The following KIF13A variants were observed in gnomAD, a reference collection of about 807,000 sequenced individuals.
KIF13A encodes kinesin-like protein KIF13A.
In KIF13A, 79 loss-of-function variants were observed where a neutral mutation model predicts 212.2. The ratio of observed to expected loss-of-function variants is 0.37; its 90% CI spans 0.31 to 0.45. The LOEUF (loss-of-function observed/expected upper bound fraction) is 0.45. KIF13A is among the 20% of genes least tolerant of loss of function. The pLI, the probability that KIF13A is intolerant of heterozygous loss-of-function variation, is 1.00. For synonymous variants in KIF13A, 789 were observed against 808.6 expected, an observed-to-expected ratio of 0.98 and a Z score of 0.41; for missense variants, 1,901 against 2,209.0, an observed-to-expected ratio of 0.86 and a Z score of 2.79.
At position 17,843,583 on chromosome 6, in the gene KIF13A, A is replaced by G. The variant is rs1766728298; in HGVS notation, c.830+5794T>C. Among the ~76,000 whole-genome samples the G allele has an allele frequency of 6.6e-6, 1 of 152,210 alleles. No individual in the cohort carries two copies. Among genetic ancestry groups the G allele is most frequent in the Non-Finnish European group, 1.5e-5 (1 of 68,036 alleles). ...TGTTTGGAATGATAGAGCTATCCTG[A>G]GATCATGAAGATGACATGAACACAC... On this transcript the variant is annotated intron_variant, in intron 9 of 38. Transcript: ENST00000259711. This position sits in a 1 kb window ranked among gnomAD's most constrained non-coding sequence, Gnocchi z 5.3.
intron 38 of KIF13A, among the ~76,000 whole-genome samples, chr6:17,767,472 C>T (rs1759110471): frequency 6.6e-6 from 1 of 152,086 alleles, no homozygotes; most frequent in African/African-American, 2.4e-5. Context: ...CCAGGCTGGT[C>T]TCGAACTCCT....
At position 17,794,797 on chromosome 6, in the gene KIF13A, G is replaced by A. The variant is rs1464761533; in HGVS notation, c.2943-93C>T. 1.5e-6 allele frequency: 2 copies of A among 1,320,806 alleles called. No individual in the cohort carries two copies. The highest frequency in any genetic ancestry group is 4.6e-5 in the East Asian group (2 of 43,100). 81.8% of individuals were successfully genotyped at this position (1,320,806 alleles called of 1,614,324 possible). On this transcript the variant is annotated intron_variant, in intron 23 of 38. Coordinates refer to ENST00000259711, the MANE Select transcript of KIF13A (RefSeq NM_022113.6). The surrounding 1 kb of genome is among the most constrained non-coding windows in gnomAD (Gnocchi z 4.1). ...CCACCATTCACTGAGCACTTACTAT[G>A]TGCTAGGCACTGTGCCATTTATCTT...
In KIF13A at chr6:17,965,631, G is replaced by A. The variant is rs368897860; in HGVS notation, c.146+21423C>T. Among the ~76,000 whole-genome samples, 76 of 152,302 alleles carry A rather than the reference G, an allele frequency of 5.0e-4. No homozygotes were observed. The South Asian group carries it at 0.015, about 30-fold the overall frequency. ...TTTAACTGTGCTTCATTAGTGAGAT[G>A]TTTTCAGAGCATAGCAATAAAGATA... On this transcript the variant is annotated intron_variant, in intron 2 of 38. Transcript: ENST00000259711.
At chr6:17,859,895 A>G (rs1021613495) in intron 4 of KIF13A, among the ~76,000 whole-genome samples, 4 of 151,780 alleles carry the variant, frequency 2.6e-5, no homozygotes, top group Non-Finnish European at 2.9e-5. Flanking sequence ...TTGGCCTCCC[A>G]AAGTGCTGGG....
chr6:17,841,385 C>A (rs1278679933), intron 9 of KIF13A, among the ~76,000 whole-genome samples: 1 of 152,168 alleles, frequency 6.6e-6, no homozygotes, highest in Non-Finnish European at 1.5e-5. Context: ...GTTATACCTA[C>A]CACTTTGGGT....
chr6:17,986,934 G>A (rs1781616862), intron 2 of KIF13A, 120 bp downstream of exon 2: 4 of 654,132 alleles, frequency 6.1e-6, no homozygotes, highest in Non-Finnish European at 1.1e-5. Context: ...ACAGGAGCCG[G>A]CGACAAACTT....
At chr6:17,873,543 T>C (rs1770217004) in intron 3 of KIF13A, 106 bp from the exon 4 acceptor site, 2 of 752,400 alleles carry the variant, frequency 2.7e-6, no homozygotes, top group Admixed American at 5.4e-5. Flanking sequence ...GCCACTACTG[T>C]CTGACTGAAA....
intron 32 of KIF13A, among the ~76,000 whole-genome samples, chr6:17,779,357 T>G (rs1244230743): frequency 6.8e-6 from 1 of 146,584 alleles, no homozygotes; most frequent in Non-Finnish European, 1.5e-5. Context: ...CTGCAACCTC[T>G]GCCTCCCAGG....
rs899584680 is a variant in KIF13A, at chr6:17,926,230, G to C, written c.147-28050C>G. On this transcript the variant is annotated intron_variant, in intron 2 of 38. Coordinates refer to ENST00000259711, the MANE Select transcript of KIF13A (RefSeq NM_022113.6). The surrounding 1 kb of genome is among the most constrained non-coding windows in gnomAD (Gnocchi z 4.3). Reference sequence around the variant, plus strand: ...AATTCCTAAATTTATCTGTCTCCTGGTGCATTTCTTTATTTTTTTGAGGCA... The same window carrying C: ...AATTCCTAAATTTATCTGTCTCCTGCTGCATTTCTTTATTTTTTTGAGGCA... Among the ~76,000 whole-genome samples the C allele has an allele frequency of 1.3e-5, 2 of 151,978 alleles. No homozygotes were observed. The highest frequency in any genetic ancestry group is 2.9e-5 in the Non-Finnish European group (2 of 67,980).
At chr6:17,788,692 C>T (rs755633473) in intron 26 of KIF13A, among the ~76,000 whole-genome samples, 1 of 152,092 alleles carries the variant, frequency 6.6e-6, no homozygotes, top group Non-Finnish European at 1.5e-5. Flanking sequence ...GAATAGAGCC[C>T]TTGGACCTCT....
intron 20 of KIF13A, among the ~76,000 whole-genome samples, chr6:17,803,921 G>A (rs923632997): frequency 3.7e-4 from 57 of 152,212 alleles, no homozygotes; most frequent in African/African-American, 1.4e-3. Context: ...GGGAAGCCGA[G>A]GCGGGCGGAT....
chr6:17,908,988 G>A (rs894098782), intron 2 of KIF13A, among the ~76,000 whole-genome samples: 4 of 152,300 alleles, frequency 2.6e-5, no homozygotes, highest in East Asian at 1.9e-4. Flanking sequence ...CCTCTAAAGC[G>A]GGAATAGAAG....
chr6:17,831,413 A>G (rs894997855), intron 12 of KIF13A, among the ~76,000 whole-genome samples, 178 bp from the exon 13 acceptor site: 8 of 152,048 alleles, frequency 5.3e-5, no homozygotes, highest in African/African-American at 1.9e-4. Flanking sequence ...GGCAGGCGTG[A>G]TAGGGGCACC....
chr6:17,922,953 C>T (rs1053563736), intron 2 of KIF13A, among the ~76,000 whole-genome samples: 1 of 151,672 alleles, frequency 6.6e-6, no homozygotes, highest in Non-Finnish European at 1.5e-5. Flanking sequence ...TGTTTTATCA[C>T]CTTCATATAT....
intron 3 of KIF13A, among the ~76,000 whole-genome samples, chr6:17,884,542 G>A (rs1771367343): frequency 1.3e-5 from 2 of 152,136 alleles, no homozygotes; most frequent in South Asian, 4.1e-4. Context: ...AAAGAGAAGT[G>A]AAAAGGCAAA....
intron 3 of KIF13A, among the ~76,000 whole-genome samples, chr6:17,893,520 T>C (rs2150474686): frequency 6.6e-6 from 1 of 152,358 alleles, no homozygotes; most frequent in African/African-American, 2.4e-5. Context: ...AACCTTATTG[T>C]ACCTTATTGT....
chr6:17,803,726 T>C (rs28520320), intron 20 of KIF13A, among the ~76,000 whole-genome samples: 4 of 152,118 alleles, frequency 2.6e-5, no homozygotes, highest in African/African-American at 9.7e-5. Context: ...CGCAAAGGTA[T>C]GAGATTACCT....
chr6:17,774,102 C>T (rs571350617), intron 35 of KIF13A, among the ~76,000 whole-genome samples: 7 of 152,300 alleles, frequency 4.6e-5, no homozygotes, highest in South Asian at 4.1e-4. Flanking sequence ...ACAGAGAAAA[C>T]GCTGGCATAT....
intron 2 of KIF13A, among the ~76,000 whole-genome samples, chr6:17,966,388 C>T (rs188737953): frequency 2.2e-3 from 327 of 151,260 alleles, no homozygotes; most frequent in Middle Eastern, 6.9e-3. Flanking sequence ...TCTCTAATGT[C>T]CTTTTCCTCT....
Sources: gnomAD v4.1 joint callset for allele counts (sites outside exome capture counted in the v4.1 genomes callset) on GRCh38, gnomAD v4.1.1 for gene constraint, Gnocchi (gnomAD v3.1) non-coding constraint, MANE v1.5 for transcripts, NCBI Gene and HGNC (gene_info 2026-07-23, HGNC 2026-07-21) for gene names.